The following ARK2N variants were observed in gnomAD, a reference collection of about 807,000 sequenced individuals.
ARK2N encodes the protein protein ARK2N.
chr18:46,205,144 G>T, the ARK2N span, among the ~76,000 whole-genome samples: 5 of 152,066 alleles, frequency 3.3e-5, no homozygotes, highest in East Asian at 9.7e-4. Context: ...CTGAGCTCAG[G>T]CAATCTGCCC....
chr18:46,187,889 C>G, the ARK2N span, among the ~76,000 whole-genome samples: 1 of 152,046 alleles, frequency 6.6e-6, no homozygotes, highest in Non-Finnish European at 1.5e-5. Context: ...TAAAAAATAA[C>G]TTAAAAAATT....
the ARK2N span, chr18:46,253,936 A>G: frequency 8.1e-7 from 1 of 1,240,222 alleles, no homozygotes; most frequent in Non-Finnish European, 1.1e-6. Context: ...TGAATGAATG[A>G]TGGGAGTTCT....
the ARK2N span, among the ~76,000 whole-genome samples, chr18:46,215,419 A>G: frequency 1.3e-5 from 2 of 152,222 alleles, no homozygotes; most frequent in African/African-American, 4.8e-5. Flanking sequence ...AAAAGTAGTC[A>G]TTCCAGGTAA....
the ARK2N span, chr18:46,240,261 C>G: frequency 6.7e-7 from 1 of 1,500,512 alleles, no homozygotes; most frequent in Admixed American, 1.9e-5. Context: ...TTGTAGTGGA[C>G]CCTGATGAGG....
chr18:46,257,674 T>TG, the ARK2N span, among the ~76,000 whole-genome samples: 1 of 151,750 alleles, frequency 6.6e-6, no homozygotes, highest in African/African-American at 2.4e-5. Flanking sequence ...TAATTTTTTT[T>TG]TTTGTCGTTG....
At chr18:46,176,665 G>C in the ARK2N span, among the ~76,000 whole-genome samples, 1 of 146,538 alleles carries the variant, frequency 6.8e-6, no homozygotes, top group African/African-American at 2.6e-5. Flanking sequence ...TGCTCTTGTT[G>C]CCCAGGCTGG....
the ARK2N span, among the ~76,000 whole-genome samples, chr18:46,244,983 G>C: frequency 1.3e-5 from 2 of 151,966 alleles, no homozygotes; most frequent in Non-Finnish European, 2.9e-5. Context: ...GCTCAGGCTG[G>C]ATGCGGTGGC....
chr18:46,240,315 G>A, the ARK2N span: 2 of 1,021,176 alleles, frequency 2.0e-6, no homozygotes, highest in African/African-American at 1.6e-5. Flanking sequence ...ATGATTGGTT[G>A]TGACTATCCA....
At chr18:46,237,970 A>G in the ARK2N span, among the ~76,000 whole-genome samples, 2 of 152,230 alleles carry the variant, frequency 1.3e-5, no homozygotes, top group African/African-American at 2.4e-5. Context: ...AAGCTAAGTT[A>G]TAAGGTGTGC....
chr18:46,186,839 A>G, the ARK2N span, among the ~76,000 whole-genome samples: 3 of 140,812 alleles, frequency 2.1e-5, no homozygotes, highest in East Asian at 4.4e-4. Flanking sequence ...ACTCCCAACT[A>G]TTAAAGAACT....
the ARK2N span, among the ~76,000 whole-genome samples, chr18:46,185,337 C>T: frequency 3.9e-5 from 6 of 152,168 alleles, no homozygotes; most frequent in Non-Finnish European, 7.3e-5. Flanking sequence ...TTATTCTCCT[C>T]CCTCATGTAT....
At chr18:46,236,043 C>T in the ARK2N span, among the ~76,000 whole-genome samples, 1 of 152,060 alleles carries the variant, frequency 6.6e-6, no homozygotes, top group Non-Finnish European at 1.5e-5. Context: ...TTGAAAAGTT[C>T]GAACCTATTT....
At chr18:46,226,806 CTT>C in the ARK2N span, among the ~76,000 whole-genome samples, 16 of 133,936 alleles carry the variant, frequency 1.2e-4, no homozygotes, top group Admixed American at 1.5e-4. Context: ...ACTGGATTTA[CTT>C]TTTTTTTTTT....
the ARK2N span, chr18:46,263,266 C>A: frequency 4.3e-6 from 3 of 702,276 alleles, no homozygotes; most frequent in Non-Finnish European, 6.5e-6. Context: ...CTCCTCTTCC[C>A]CCCTTTTTTT....
chr18:46,251,768 A>T, the ARK2N span, among the ~76,000 whole-genome samples: 1 of 152,312 alleles, frequency 6.6e-6, no homozygotes, highest in Non-Finnish European at 1.5e-5. Context: ...CATTTTGCTT[A>T]TTTAAAGGCT....
chr18:46,235,030 AG>A, the ARK2N span, among the ~76,000 whole-genome samples: 8 of 152,186 alleles, frequency 5.3e-5, no homozygotes, highest in Non-Finnish European at 1.2e-4. Flanking sequence ...ATAGAAAGGG[AG>A]GGGGGAATGA....
the ARK2N span, among the ~76,000 whole-genome samples, chr18:46,203,112 T>A: frequency 6.6e-6 from 1 of 152,304 alleles, no homozygotes; most frequent in East Asian, 1.9e-4. Flanking sequence ...TTCTATGACT[T>A]AATCTAGGAG....
chr18:46,239,813 T>C, the ARK2N span, among the ~76,000 whole-genome samples: 2 of 152,322 alleles, frequency 1.3e-5, no homozygotes, highest in South Asian at 2.1e-4. Flanking sequence ...CCAAAATGTG[T>C]CCATCATCTT....
chr18:46,191,054 A>G, the ARK2N span, among the ~76,000 whole-genome samples: 1 of 152,074 alleles, frequency 6.6e-6, no homozygotes, highest in African/African-American at 2.4e-5. Flanking sequence ...ACTGTTTTTT[A>G]TCTCTTTGGG....
Sources: gnomAD v4.1 joint callset for allele counts (sites outside exome capture counted in the v4.1 genomes callset) on GRCh38, gnomAD v4.1.1 for gene constraint, MANE v1.5 for transcripts, NCBI Gene and HGNC (gene_info 2026-07-23, HGNC 2026-07-21) for gene names.